The following NBEAL1 variants were observed in gnomAD, a reference collection of about 807,000 sequenced individuals.
The protein encoded by NBEAL1 is neurobeachin-like protein 1.
In NBEAL1, 273 loss-of-function variants were observed where a neutral mutation model predicts 351.3. The ratio of observed to expected loss-of-function variants is 0.78; its 90% confidence interval spans 0.70 to 0.86. The LOEUF (loss-of-function observed/expected upper bound fraction) is 0.86, where lower values mean the gene tolerates loss of function less well. Among genes scored for constraint, NBEAL1 ranks in the 40% least tolerant of loss-of-function variants. The pLI is 0.00. For missense variants in NBEAL1, 2,961 were observed against 3,201.3 expected (o/e 0.92, Z 1.81); for synonymous variants, 1,050 against 1,086.4 (o/e 0.97, Z 0.66).
rs1414303666 is a variant in NBEAL1, at chr2:203,190,251, T to C, written c.6824-41T>C. 4.9e-6 allele frequency: 7 copies of C among 1,414,902 alleles called. 1 individual carries two copies. Among genetic ancestry groups the C allele is most frequent in the Non-Finnish European group, 4.9e-6 (5 of 1,016,976 alleles). The allele number at this position is 1,414,902 out of a possible 1,614,324, so 87.6% of individuals were successfully genotyped here. A position where few individuals can be genotyped will look rare whatever the true frequency, so the allele number is the denominator to read the frequency against. ...TTAATCAGTGATGTGGCTTGCTGAT[T>C]TGTTTTCACTCTATAGTAAGTTGAC... On this transcript the variant is annotated intron_variant, in intron 45 of 55. Transcript: ENST00000683969.
At chr2:203,018,867 T>C (rs566890618) in intron 2 of NBEAL1, among the ~76,000 whole-genome samples, 21 of 152,132 alleles carry the variant, frequency 1.4e-4, no homozygotes, top group Non-Finnish European at 2.4e-4. Flanking sequence ...TTAAAAACAA[T>C]CATGACACAA....
At chr2:203,182,557 A>G (rs887709422) in intron 43 of NBEAL1, 3 of 152,256 alleles carry the variant, frequency 2.0e-5, no homozygotes, top group African/African-American at 7.2e-5. Context: ...CAGGTGGGCA[A>G]CGAATAACAT....
intron 10 of NBEAL1, among the ~76,000 whole-genome samples, chr2:203,089,819 T>C (rs1229871767): frequency 6.6e-6 from 1 of 152,246 alleles, no homozygotes; most frequent in Non-Finnish European, 1.5e-5. Context: ...GATGTTGCAG[T>C]AGAGGAAATG....
At chr2:203,123,346 T>A (rs2062869631) in intron 19 of NBEAL1, among the ~76,000 whole-genome samples, 1 of 150,736 alleles carries the variant, frequency 6.6e-6, no homozygotes, top group East Asian at 1.9e-4. Flanking sequence ...TTTTTTCTTT[T>A]TTTTTTTTTT....
chr2:203,212,288 A>G (rs529493089), intron 54 of NBEAL1, among the ~76,000 whole-genome samples: 1 of 152,194 alleles, frequency 6.6e-6, no homozygotes, highest in African/African-American at 2.4e-5. Context: ...ATGCTTACTC[A>G]TAATAATGGT....
chr2:203,061,361 C>T (rs2061497076), intron 6 of NBEAL1: 1 of 152,182 alleles, frequency 6.6e-6, no homozygotes, highest in Non-Finnish European at 1.5e-5. Context: ...AGAACTAGAA[C>T]ATCTGAAGTC....
intron 25 of NBEAL1, 65 bp downstream of exon 25, chr2:203,130,541 A>G (rs2063050163): frequency 2.8e-6 from 3 of 1,079,754 alleles, no homozygotes; most frequent in Non-Finnish European, 3.6e-6. Flanking sequence ...TTTTCTTGCA[A>G]TATATCCATT....
At position 203,084,537 on chromosome 2, in the gene NBEAL1, G is replaced by A. The variant is rs2061929898; in HGVS notation, c.1066G>A (p.Glu356Lys). Residue 356 changes from glutamate to lysine, a missense_variant, in exon 10 of 56, where the codon GAA becomes AAA. Glu to Lys is a moderately conservative substitution (Grantham distance 56). Transcript: ENST00000683969. ...CATTTTTCTTAACAGCAATTGCTTT[G>A]AACATCTCATACGACTGCTACAGAA... is the stretch of plus-strand genomic sequence containing the variant. ...QAIFLNSNCFEHLIRLLQNCK... is the reference protein window; with the variant it reads ...QAIFLNSNCFKHLIRLLQNCK... The A allele has an allele frequency of 6.5e-7, 1 of 1,542,572 alleles. No homozygotes were observed. The highest frequency in any genetic ancestry group is 1.4e-5 in the African/African-American group (1 of 72,890).
chr2:203,189,383 A>T (rs2105770380), intron 45 of NBEAL1, among the ~76,000 whole-genome samples: 1 of 152,152 alleles, frequency 6.6e-6, no homozygotes, highest in South Asian at 2.1e-4. Flanking sequence ...AGAAATTTTT[A>T]TTTATTTATT....
chr2:203,088,857 T>A (rs1345096260), intron 10 of NBEAL1, among the ~76,000 whole-genome samples: 1 of 152,002 alleles, frequency 6.6e-6, no homozygotes, highest in Non-Finnish European at 1.5e-5. Flanking sequence ...GGATGGAGAG[T>A]TCCTAGCTTC....
At position 203,099,728 on chromosome 2, in the gene NBEAL1, T is replaced by A; in HGVS notation, c.1269+16T>A. 17 of 1,481,766 alleles carry A rather than the reference T, an allele frequency of 1.1e-5. No homozygotes were observed. Among genetic ancestry groups the A allele is most frequent in the Non-Finnish European group, 1.4e-5 (16 of 1,103,938 alleles). The allele number at this position is 1,481,766 out of a possible 1,614,324, so 91.8% of individuals were successfully genotyped here. A position where few individuals can be genotyped will look rare whatever the true frequency, so the allele number is the denominator to read the frequency against. On this transcript the variant is annotated intron_variant, in intron 12 of 55. Transcript: ENST00000683969. ...AGCTGCTAAGGTGAAACATATATCC[T>A]CCAGCTTTTTTTTTTTTCTTAACTT... is the stretch of plus-strand genomic sequence containing the variant.
In NBEAL1 at chr2:203,174,216, CAAAAAAAAAAA is replaced by C. The variant is rs10652390; in HGVS notation, c.6324-914_6324-904del. On this transcript the variant is annotated intron_variant, in intron 41 of 55. Coordinates refer to ENST00000683969, the MANE Select transcript of NBEAL1 (RefSeq NM_001378026.1). ...TAATTATCACAGTGCTTTATACTAG[CAAAAAAAAAAA>C]AAAAAAAAAAAAAAAATACAAGGAA... Among the ~76,000 whole-genome samples the C allele has an allele frequency of 2.4e-3, 58 of 24,612 alleles. No individual in the cohort carries two copies. In the East Asian group the frequency reaches 0.048, roughly 20 times the overall value. The allele number at this position is 24,612 out of a possible 152,430, so 16.1% of individuals were successfully genotyped here. A position where few individuals can be genotyped will look rare whatever the true frequency, so the allele number is the denominator to read the frequency against.
chr2:203,187,414 ATATTTTCTT>A, intron 44 of NBEAL1, among the ~76,000 whole-genome samples: 1 of 19,872 alleles, frequency 5.0e-5, no homozygotes, highest in Non-Finnish European at 1.1e-4. Flanking sequence ...TGGCTTTTTT[ATATTTTCTT>A]TAAATTGTGC....
chr2:203,152,572 A>C (rs200979648), intron 35 of NBEAL1, among the ~76,000 whole-genome samples: 2 of 151,822 alleles, frequency 1.3e-5, no homozygotes, highest in East Asian at 3.9e-4. Context: ...CCTGGGCAAC[A>C]AGAGCAAAAC....
At chr2:203,110,504 A>G (rs577145973) in intron 15 of NBEAL1, among the ~76,000 whole-genome samples, 9 of 151,778 alleles carry the variant, frequency 5.9e-5, no homozygotes, top group Non-Finnish European at 1.0e-4. Context: ...GAAACCTGCT[A>G]TCTACTGAAA....
chr2:203,192,758 T>C (rs2065126618), intron 46 of NBEAL1, among the ~76,000 whole-genome samples: 1 of 152,120 alleles, frequency 6.6e-6, no homozygotes, highest in African/African-American at 2.4e-5. Flanking sequence ...TGTAGAGATG[T>C]AAGAATTTAC....
intron 2 of NBEAL1, among the ~76,000 whole-genome samples, chr2:203,033,626 AATG>A (rs938210474): frequency 6.6e-6 from 1 of 152,202 alleles, no homozygotes; most frequent in Non-Finnish European, 1.5e-5. Context: ...AGATCTAGGA[AATG>A]ATGATCAGTA....
intron 42 of NBEAL1, among the ~76,000 whole-genome samples, chr2:203,179,655 C>T (rs2064638392): frequency 6.6e-6 from 1 of 152,078 alleles, no homozygotes; most frequent in African/African-American, 2.4e-5. Context: ...GTGATTAAAT[C>T]AGCAGCGTTC....
rs2065963572 is a variant in NBEAL1 at position 203,222,505 on chromosome 2, G to A, written c.*5151G>A. Among the ~76,000 whole-genome samples the A allele has an allele frequency of 6.6e-6, 1 of 152,056 alleles. No individual in the cohort carries two copies. Among genetic ancestry groups the A allele is most frequent in the Admixed American group, 6.6e-5 (1 of 15,262 alleles). ...ATTTTGTCTAAAATTTGCTTGGAAT[G>A]GCTTTATTATCTTTGTTTTGCCTGC... On this transcript the variant is annotated 3_prime_UTR_variant, in exon 56 of 56. Transcript: ENST00000683969.
Sources: allele counts gnomAD v4.1 joint callset (sites outside exome capture counted in the v4.1 genomes callset), GRCh38; gene constraint gnomAD v4.1.1; transcripts MANE v1.5; gene names NCBI Gene and HGNC (gene_info 2026-07-23, HGNC 2026-07-21).